The following RAPGEF4 variants were observed in gnomAD, a reference collection of about 807,000 sequenced individuals.
RAPGEF4 encodes the protein RAP guanine-nucleotide-exchange factor (GEF) 4.
Under a neutral mutation model 147.9 loss-of-function variants are expected in RAPGEF4, and 66 were observed. That is an observed-to-expected ratio of 0.45 (90% CI 0.37 to 0.55). The LOEUF is 0.55. RAPGEF4 is among the 20% of genes least tolerant of loss of function. The probability of loss-of-function intolerance (pLI) is 0.00; values close to 1 mark genes in which losing one functional copy is unlikely to be tolerated. For missense variants in RAPGEF4, 1,071 were observed against 1,257.3 expected, an observed-to-expected ratio of 0.85 and a Z score of 2.24; for synonymous variants, 419 against 442.7, an observed-to-expected ratio of 0.95 and a Z score of 0.67.
intron 4 of RAPGEF4, among the ~76,000 whole-genome samples, chr2:172,835,066 C>T (rs1690772804): frequency 6.6e-6 from 1 of 152,194 alleles, no homozygotes; most frequent in Admixed American, 6.5e-5. Context: ...GCCAGCCGTC[C>T]CTTCTCACTG....
chr2:172,874,770 G>T (rs1289557758), intron 4 of RAPGEF4, among the ~76,000 whole-genome samples: 2 of 152,126 alleles, frequency 1.3e-5, no homozygotes, highest in Admixed American at 1.3e-4. Context: ...CCCAGTAATG[G>T]GATGGCTGGG....
At chr2:172,841,616 C>A (rs1474842350) in intron 4 of RAPGEF4, among the ~76,000 whole-genome samples, 2 of 152,154 alleles carry the variant, frequency 1.3e-5, no homozygotes, top group African/African-American at 4.8e-5. Context: ...ATGGAATTTA[C>A]AAGAAACACT....
chr2:172,795,151 G>A lies in RAPGEF4; in HGVS notation c.192G>A (p.Leu64=), dbSNP rs1686239063. Residue 64 remains leucine (L), a synonymous_variant, in exon 2 of 31, where the codon CTG becomes CTA. Transcript: ENST00000397081. ...QICLCGYYEN[L]EKGITLFRQG... ...GCTTATGTGGTTATTATGAGAATCT[G>A]GAAAAGGGAATAACATGTAAGAAAT... 1.2e-6 allele frequency: 2 copies of A among 1,609,418 alleles called. No homozygotes were observed. Among genetic ancestry groups the A allele is most frequent in the East Asian group, 2.2e-5 (1 of 44,836 alleles).
chr2:172,746,803 G>C (rs138191720), intron 1 of RAPGEF4, among the ~76,000 whole-genome samples: 1,809 of 152,088 alleles, frequency 0.012, 37 homozygotes, highest in African/African-American at 0.04. Flanking sequence ...AGTAGAGACA[G>C]GGTTTCACCA....
intron 5 of RAPGEF4, among the ~76,000 whole-genome samples, chr2:172,918,434 A>G (rs1684345009): frequency 6.6e-6 from 1 of 150,700 alleles, no homozygotes; most frequent in South Asian, 2.1e-4. Flanking sequence ...AAGGTGACAG[A>G]TAGGTTAATT....
chr2:172,757,850 ATT>A (rs780540807), intron 1 of RAPGEF4, among the ~76,000 whole-genome samples: 2 of 152,210 alleles, frequency 1.3e-5, no homozygotes, highest in African/African-American at 2.4e-5. Context: ...ACAAATATTT[ATT>A]GAGTGCCAAA....
chr2:172,821,066 G>C (rs1689014191), intron 4 of RAPGEF4, among the ~76,000 whole-genome samples: 1 of 152,162 alleles, frequency 6.6e-6, no homozygotes, highest in African/African-American at 2.4e-5. Flanking sequence ...TAATAGGCTT[G>C]ATGTTTCTAT....
chr2:172,963,877 C>T (rs1052592531), intron 8 of RAPGEF4, among the ~76,000 whole-genome samples: 2 of 152,280 alleles, frequency 1.3e-5, no homozygotes, highest in African/African-American at 4.8e-5. Context: ...AATTCTAAAT[C>T]GTCTAGGGAT....
chr2:172,884,936 G>A (rs192475226), intron 4 of RAPGEF4, among the ~76,000 whole-genome samples: 25 of 152,302 alleles, frequency 1.6e-4, no homozygotes, highest in Admixed American at 1.4e-3. Context: ...TGTAGCAAAC[G>A]CTATTGTTGC....
At chr2:172,883,553 G>A (rs573728776) in intron 4 of RAPGEF4, among the ~76,000 whole-genome samples, 2 of 152,262 alleles carry the variant, frequency 1.3e-5, no homozygotes, top group Non-Finnish European at 2.9e-5. Context: ...GTTTGATGAA[G>A]ACTCTTGAAG....
At chr2:172,852,552 T>C (rs768029721) in intron 4 of RAPGEF4, among the ~76,000 whole-genome samples, 10 of 152,174 alleles carry the variant, frequency 6.6e-5, no homozygotes, top group Non-Finnish European at 1.3e-4. Flanking sequence ...CTTGTGATTC[T>C]TCTATACAAA....
At chr2:172,847,309 C>T (rs887632346) in intron 4 of RAPGEF4, among the ~76,000 whole-genome samples, 3 of 152,174 alleles carry the variant, frequency 2.0e-5, no homozygotes, top group Non-Finnish European at 2.9e-5. Flanking sequence ...CCTAGGGTCA[C>T]CCTGAGAGCA....
At chr2:172,799,406 C>G (rs1172815234) in intron 3 of RAPGEF4, among the ~76,000 whole-genome samples, 1 of 152,202 alleles carries the variant, frequency 6.6e-6, no homozygotes, top group Non-Finnish European at 1.5e-5. Flanking sequence ...CACCATTTGA[C>G]TCTTAAGAAA....
At chr2:172,854,189 T>C (rs1055026461) in intron 4 of RAPGEF4, among the ~76,000 whole-genome samples, 2 of 152,094 alleles carry the variant, frequency 1.3e-5, no homozygotes, top group Non-Finnish European at 2.9e-5. Flanking sequence ...GAGAGAACAG[T>C]ATTAGAATCT....
intron 1 of RAPGEF4, among the ~76,000 whole-genome samples, chr2:172,754,948 C>A (rs1290402465): frequency 6.6e-6 from 1 of 152,056 alleles, no homozygotes; most frequent in East Asian, 1.9e-4. Context: ...GAGGCTGAGG[C>A]AGGAGAATGG....
chr2:173,025,457 T>A (rs550949551), intron 23 of RAPGEF4, among the ~76,000 whole-genome samples: 1 of 152,364 alleles, frequency 6.6e-6, no homozygotes, highest in African/African-American at 2.4e-5. Context: ...ATTTTATTTT[T>A]TTGGAGATGG....
intron 4 of RAPGEF4, among the ~76,000 whole-genome samples, chr2:172,868,899 G>C (rs567191522): frequency 6.6e-5 from 10 of 152,166 alleles, no homozygotes; most frequent in Non-Finnish European, 1.3e-4. Context: ...GAAGGTGAAG[G>C]GGGAGCAGGC....
rs1299065775 is a variant in RAPGEF4 at position 173,052,222 on chromosome 2, G to A, written c.*455G>A. The stretch of plus-strand genomic sequence containing the variant: ...CCTGGGGTTTCGGGAAGGTGTTGAG[G>A]AATCTATAGAAGTCCAAATTATAGG... On this transcript the variant is annotated 3_prime_UTR_variant, in exon 31 of 31. Transcript: ENST00000397081. 1 of 153,840 alleles carries A rather than the reference G, an allele frequency of 6.5e-6. No individual in the cohort carries two copies. Among genetic ancestry groups the A allele is most frequent in the Non-Finnish European group, 1.5e-5 (1 of 68,842 alleles). The allele number at this position is 153,840 out of a possible 1,614,324, so 9.5% of individuals were successfully genotyped here. A position where few individuals can be genotyped will look rare whatever the true frequency, so the allele number is the denominator to read the frequency against.
chr2:172,987,179 A>C (rs115369467), intron 12 of RAPGEF4, among the ~76,000 whole-genome samples: 2,495 of 152,150 alleles, frequency 0.016, 71 homozygotes, highest in African/African-American at 0.057. Flanking sequence ...GTGCATACCT[A>C]CAGTCCCAGC....
Sources: allele counts gnomAD v4.1 joint callset (sites outside exome capture counted in the v4.1 genomes callset), GRCh38; gene constraint gnomAD v4.1.1; transcripts MANE v1.5; gene names NCBI Gene and HGNC (gene_info 2026-07-23, HGNC 2026-07-21).